The following SPATA17 variants were observed in gnomAD, a reference collection of about 807,000 sequenced individuals.
The protein encoded by SPATA17 is spermatogenesis associated 17.
A neutral mutation model predicts 62.2 loss-of-function variants in SPATA17; 53 were observed. The observed-to-expected ratio is 0.85, with a 90% confidence interval of 0.68 to 1.07. The LOEUF is 1.07. Ranked by LOEUF, SPATA17 falls within the 50% of genes least tolerant of loss-of-function variation. The pLI, the probability that SPATA17 is intolerant of heterozygous loss-of-function variation, is 0.00. For synonymous variants in SPATA17, 146 were observed against 146.8 expected (o/e 0.99, Z 0.04); for missense variants, 466 against 425.5 (o/e 1.10, Z -0.84).
rs10495078 is a variant in SPATA17 at position 217,832,317 on chromosome 1, G to A, written c.1006-30457G>A. Among the ~76,000 whole-genome samples the A allele has an allele frequency of 9.0e-3, 1,372 of 152,164 alleles. 63 individuals carry two copies. The highest frequency in any genetic ancestry group is 0.076 in the Admixed American group (1,155 of 15,252). On this transcript the variant is annotated intron_variant, in intron 9 of 10. Coordinates refer to ENST00000366933, the MANE Select transcript of SPATA17 (RefSeq NM_138796.4). ...AATTCTAAAAATATACCAGAAAACA[G>A]TGGTAGACTATATTAGATATGTTCA...
chr1:217,823,949 G>A (rs61827061), intron 9 of SPATA17, among the ~76,000 whole-genome samples: 4,868 of 151,844 alleles, frequency 0.032, 114 homozygotes, highest in Middle Eastern at 0.068. Context: ...CCATTTTCAC[G>A]GAATAACTTT....
chr1:217,742,671 C>T (rs1488056656), intron 6 of SPATA17, among the ~76,000 whole-genome samples: 1 of 151,962 alleles, frequency 6.6e-6, no homozygotes, highest in Non-Finnish European at 1.5e-5. Context: ...GTCCTGGTTA[C>T]TAGGAAAGAA....
intron 6 of SPATA17, among the ~76,000 whole-genome samples, chr1:217,749,477 C>G (rs1027029782): frequency 6.6e-6 from 1 of 151,174 alleles, no homozygotes; most frequent in Non-Finnish European, 1.5e-5. Context: ...TTTCTATTTT[C>G]CAAATCAGAC....
intron 3 of SPATA17, among the ~76,000 whole-genome samples, chr1:217,652,537 CT>C (rs975975953): frequency 2.4e-4 from 36 of 149,688 alleles, no homozygotes; most frequent in Non-Finnish European, 1.5e-4. Flanking sequence ...CCCGGCCAAA[CT>C]TTTTTTTTTC....
At chr1:217,850,341 C>A in intron 9 of SPATA17, 1 of 550,532 alleles carries the variant, frequency 1.8e-6, no homozygotes, top group East Asian at 3.4e-5. Flanking sequence ...TAAGTGGGGG[C>A]AGATGGCTAT....
At chr1:217,637,195 A>G (rs1231974197) in intron 1 of SPATA17, among the ~76,000 whole-genome samples, 1 of 152,196 alleles carries the variant, frequency 6.6e-6, no homozygotes, top group Non-Finnish European at 1.5e-5. Context: ...ACATTATTTT[A>G]TTTGATGTTT....
rs1188300100 is a variant in SPATA17 at position 217,749,943 on chromosome 1, TTCTC to T, written c.519+7885_519+7888del. ...TATCCTAGAGAAATTTGTCATAAGA[TTCTC>T]TCTCTCTCTCTCTCTCTCTCTCTCT... is the stretch of plus-strand genomic sequence containing the variant. On this transcript the variant is annotated intron_variant, in intron 6 of 10. Coordinates refer to ENST00000366933, the MANE Select transcript of SPATA17 (RefSeq NM_138796.4). Among the ~76,000 whole-genome samples the T allele has an allele frequency of 8.7e-3, 359 of 41,398 alleles. 14 individuals are homozygous for T. Among genetic ancestry groups the T allele is most frequent in the African/African-American group, 0.022 (232 of 10,680 alleles). The allele number at this position is 41,398 out of a possible 152,430, so 27.2% of individuals were successfully genotyped here.
At chr1:217,761,593 G>T (rs1360058275) in intron 6 of SPATA17, among the ~76,000 whole-genome samples, 4 of 152,170 alleles carry the variant, frequency 2.6e-5, no homozygotes. Context: ...TGCAGATAAA[G>T]GAGATCAATG....
At chr1:217,833,382 T>C (rs17727672) in intron 9 of SPATA17, among the ~76,000 whole-genome samples, 1 of 152,230 alleles carries the variant, frequency 6.6e-6, no homozygotes, top group East Asian at 1.9e-4. Context: ...TTCTCTACAG[T>C]GTAATTATAT....
chr1:217,651,266 A>C (rs1670307562), intron 3 of SPATA17, 88 bp downstream of exon 3: 1 of 1,069,386 alleles, frequency 9.4e-7, no homozygotes, highest in Non-Finnish European at 1.3e-6. Context: ...TATAGTTTGG[A>C]AATTACTGAT....
At chr1:217,692,655 A>G (rs1671366556) in intron 5 of SPATA17, among the ~76,000 whole-genome samples, 1 of 109,778 alleles carries the variant, frequency 9.1e-6, no homozygotes, top group Non-Finnish European at 1.8e-5. Flanking sequence ...TATTATTTTG[A>G]AATACGTCCC....
intron 1 of SPATA17, among the ~76,000 whole-genome samples, chr1:217,647,303 G>C (rs1373506190): frequency 2.0e-5 from 3 of 152,306 alleles, no homozygotes; most frequent in African/African-American, 7.2e-5. Flanking sequence ...AGTAGGGAGA[G>C]GTTTCAATGT....
chr1:217,667,702 A>G (rs1571718035), intron 3 of SPATA17, among the ~76,000 whole-genome samples: 1 of 152,222 alleles, frequency 6.6e-6, no homozygotes, highest in Non-Finnish European at 1.5e-5. Flanking sequence ...AACTCTTGGA[A>G]ATATATAATA....
chr1:217,800,834 G>T (rs920567456), intron 8 of SPATA17, among the ~76,000 whole-genome samples: 2 of 151,886 alleles, frequency 1.3e-5, no homozygotes, highest in Admixed American at 1.3e-4. Flanking sequence ...CTTCTTATAG[G>T]TTTATAACTT....
chr1:217,645,568 AT>A (rs1670162488), intron 1 of SPATA17, among the ~76,000 whole-genome samples: 1 of 152,210 alleles, frequency 6.6e-6, no homozygotes, highest in Non-Finnish European at 1.5e-5. Flanking sequence ...TTTGTTAAAT[AT>A]TAATGGTAAA....
chr1:217,858,081 A>T (rs780815907), intron 9 of SPATA17, among the ~76,000 whole-genome samples: 3 of 152,226 alleles, frequency 2.0e-5, no homozygotes, highest in Non-Finnish European at 4.4e-5. Context: ...TGAAGAAAAT[A>T]TTAGAACTTC....
intron 5 of SPATA17, among the ~76,000 whole-genome samples, chr1:217,708,475 A>T (rs1432742073): frequency 6.6e-6 from 1 of 152,102 alleles, no homozygotes; most frequent in African/African-American, 2.4e-5. Flanking sequence ...AATTCCTAGA[A>T]ACATACAACC....
In SPATA17 at chr1:217,797,602, T is replaced by C. The variant is rs75838205; in HGVS notation, c.873-4116T>C. On this transcript the variant is annotated intron_variant, in intron 8 of 10. Transcript: ENST00000366933. ...AATGGTTAAAATATTAGAGTTAAGA[T>C]TAATTTTTGAGCAGGTGTACTTTTA... 7.4e-3 allele frequency among the ~76,000 whole-genome samples: 1,124 copies of C among 152,282 alleles called. 10 individuals carry two copies. The highest frequency in any genetic ancestry group is 0.026 in the African/African-American group (1,061 of 41,558).
chr1:217,697,211 C>T (rs981482443), intron 5 of SPATA17, among the ~76,000 whole-genome samples: 5 of 152,072 alleles, frequency 3.3e-5, no homozygotes, highest in East Asian at 1.9e-4. Context: ...GAACTCCTGA[C>T]CTCAGGTGAT....
Sources: allele counts gnomAD v4.1 joint callset (sites outside exome capture counted in the v4.1 genomes callset), GRCh38; gene constraint gnomAD v4.1.1; transcripts MANE v1.5; gene names NCBI Gene and HGNC (gene_info 2026-07-23, HGNC 2026-07-21).